SLC1A2: variants seen among roughly 807,000 people sequenced by gnomAD.
The protein encoded by SLC1A2 is solute carrier family 1 member 2.
Under a neutral mutation model 48.8 loss-of-function variants are expected in SLC1A2, and 15 were observed. The observed-to-expected ratio is 0.31, with a 90% CI of 0.21 to 0.47. The LOEUF is 0.47. Among genes scored for constraint, SLC1A2 ranks in the 20% least tolerant of loss-of-function variants. The probability of loss-of-function intolerance (pLI) is 0.99; values close to 1 mark genes in which losing one functional copy is unlikely to be tolerated. For missense variants in SLC1A2, 502 were observed against 730.5 expected (o/e 0.69, Z 3.61); for synonymous variants, 279 against 272.6 (o/e 1.02, Z -0.23).
At chr11:35,384,718 A>G (rs1590256318) in intron 1 of SLC1A2, among the ~76,000 whole-genome samples, 2 of 152,244 alleles carry the variant, frequency 1.3e-5, no homozygotes, top group Admixed American at 6.5e-5. Flanking sequence ...AAGGAGTATC[A>G]TCACAGAAGT....
chr11:35,341,834 A>G lies in SLC1A2; in HGVS notation c.18-24318T>C, dbSNP rs139944287. ...GTCGATTCTTTGCAGAATTGTTTAT[A>G]AAAGTAAAAAACTGAGTAATAACCT... On this transcript the variant is annotated intron_variant, in intron 1 of 10. Transcript: ENST00000278379. Among the ~76,000 whole-genome samples, 1,043 of 152,336 alleles carry G rather than the reference A, an allele frequency of 6.8e-3. 16 individuals carry two copies. The highest frequency in any genetic ancestry group is 0.024 in the African/African-American group (977 of 41,558).
intron 6 of SLC1A2, among the ~76,000 whole-genome samples, 182 bp from the exon 7 acceptor site, chr11:35,292,702 G>A (rs1346741911): frequency 6.6e-6 from 1 of 152,186 alleles, no homozygotes; most frequent in African/African-American, 2.4e-5. Flanking sequence ...AATCTGTTTT[G>A]TGGATCTGGT....
intron 7 of SLC1A2, among the ~76,000 whole-genome samples, chr11:35,291,185 C>G (rs1390707474): frequency 6.6e-6 from 1 of 152,064 alleles, no homozygotes; most frequent in East Asian, 1.9e-4. Context: ...GACATATGTG[C>G]AGAAATAAAA....
chr11:35,391,195 C>T (rs998955895), intron 1 of SLC1A2: 5 of 152,228 alleles, frequency 3.3e-5, no homozygotes, highest in African/African-American at 9.6e-5. Flanking sequence ...ACATACTGTC[C>T]GTGGCTGCTT....
chr11:35,401,970 A>G (rs1855153022), intron 1 of SLC1A2, among the ~76,000 whole-genome samples: 1 of 152,028 alleles, frequency 6.6e-6, no homozygotes, highest in African/African-American at 2.4e-5. Flanking sequence ...CCCCCACCCA[A>G]CATCACCTGA....
In SLC1A2 at chr11:35,306,145, G is replaced by T; in HGVS notation, c.659C>A (p.Thr220Asn). 2 of 1,614,068 alleles carry T rather than the reference G, an allele frequency of 1.2e-6. No homozygotes were observed. Among genetic ancestry groups the T allele is most frequent in the African/African-American group, 2.7e-5 (2 of 75,026 alleles). The change falls in exon 5 of 11, where the codon ACT (threonine) becomes AAT (asparagine). Residue 220 changes from threonine to asparagine, a missense_variant. Coordinates refer to ENST00000278379, the MANE Select transcript of SLC1A2 (RefSeq NM_004171.4). ...AVVSLLNETV[T>N]EVPEETKMVI... is the part of the protein sequence containing the mutation. Reference sequence around the variant, plus strand: ...CATCTTAGTCTCCTCCGGCACCTCAGTCACAGTCTCGTTCAACAGAGAGAC... The same window carrying T: ...CATCTTAGTCTCCTCCGGCACCTCATTCACAGTCTCGTTCAACAGAGAGAC...
intron 1 of SLC1A2, among the ~76,000 whole-genome samples, chr11:35,413,060 C>A (rs1345763591): frequency 6.6e-6 from 1 of 152,118 alleles, no homozygotes; most frequent in African/African-American, 2.4e-5. Flanking sequence ...AATCCAAAAC[C>A]ACTAGGCAAT....
chr11:35,326,726 T>A (rs1013208206), intron 1 of SLC1A2, among the ~76,000 whole-genome samples: 2 of 152,198 alleles, frequency 1.3e-5, no homozygotes, highest in Non-Finnish European at 2.9e-5. Context: ...CACAATTCTT[T>A]TGTGAGATGA....
rs771780308 is a variant in SLC1A2, at chr11:35,343,350, C to T, written c.18-25834G>A. On this transcript the variant is annotated intron_variant, in intron 1 of 10. Transcript: ENST00000278379. ...ATACCAAATCACACACCCACCAGCACCATGACAGTTCCGAAACAACCATAT... is the reference window on the plus strand; with the variant it reads ...ATACCAAATCACACACCCACCAGCATCATGACAGTTCCGAAACAACCATAT... Among the ~76,000 whole-genome samples, 101 of 152,206 alleles carry T rather than the reference C, an allele frequency of 6.6e-4. 1 individual carries two copies. Among genetic ancestry groups the T allele is most frequent in the Admixed American group, 2.5e-3 (38 of 15,290 alleles).
At chr11:35,357,837 T>C (rs1437525002) in intron 1 of SLC1A2, among the ~76,000 whole-genome samples, 1 of 152,154 alleles carries the variant, frequency 6.6e-6, no homozygotes. Context: ...ATGGTTTAAG[T>C]TCTTTTTCTT....
At chr11:35,356,547 C>CAA (rs1853473874) in intron 1 of SLC1A2, among the ~76,000 whole-genome samples, 1 of 152,222 alleles carries the variant, frequency 6.6e-6, no homozygotes, top group Admixed American at 6.5e-5. Flanking sequence ...TTCCAAGACA[C>CAA]CTACTTTTGA....
At position 35,318,457 on chromosome 11, in the gene SLC1A2, C is replaced by T. The variant is rs146877956; in HGVS notation, c.18-941G>A. On this transcript the variant is annotated intron_variant, in intron 1 of 10. Transcript: ENST00000278379. ...ATTTGATAAAAGAAAAAAAATAAGCCTTTCACACCTAGAAAGAGAGGTGTC... is the reference window on the plus strand; with the variant it reads ...ATTTGATAAAAGAAAAAAAATAAGCTTTTCACACCTAGAAAGAGAGGTGTC... Among the ~76,000 whole-genome samples, 165 of 152,300 alleles carry T rather than the reference C, an allele frequency of 1.1e-3. 4 individuals are homozygous for T. The East Asian group carries it at 0.027, about 25-fold the overall frequency.
intron 1 of SLC1A2, among the ~76,000 whole-genome samples, chr11:35,359,197 T>C (rs184462577): frequency 8.4e-4 from 128 of 152,304 alleles, no homozygotes; most frequent in African/African-American, 2.9e-3. Context: ...ATTCATGAAT[T>C]TTCATTTGTG....
intron 1 of SLC1A2, among the ~76,000 whole-genome samples, chr11:35,329,537 A>G (rs1320598503): frequency 1.3e-5 from 2 of 152,256 alleles, no homozygotes; most frequent in Non-Finnish European, 2.9e-5. Flanking sequence ...TTTAAAAAAC[A>G]GCATATTAAA....
At chr11:35,312,060 A>G in intron 4 of SLC1A2, 138 bp downstream of exon 4, 1 of 874,378 alleles carries the variant, frequency 1.1e-6, no homozygotes, top group Non-Finnish European at 1.8e-6. Flanking sequence ...ACCACCTCAT[A>G]GAATCCCTGG....
chr11:35,393,576 T>C (rs996101741), intron 1 of SLC1A2, among the ~76,000 whole-genome samples: 1 of 152,162 alleles, frequency 6.6e-6, no homozygotes, highest in Non-Finnish European at 1.5e-5. Context: ...TGAGCAGAGA[T>C]GGCAAAACAA....
intron 1 of SLC1A2, among the ~76,000 whole-genome samples, chr11:35,406,036 A>G (rs1855282395): frequency 6.6e-6 from 1 of 152,230 alleles, no homozygotes; most frequent in Non-Finnish European, 1.5e-5. Flanking sequence ...AAAGAAATTA[A>G]TGTAACCCTG....
At chr11:35,308,730 G>C (rs549789537) in intron 4 of SLC1A2, among the ~76,000 whole-genome samples, 1 of 152,274 alleles carries the variant, frequency 6.6e-6, no homozygotes, top group African/African-American at 2.4e-5. Context: ...CTAAATTTCA[G>C]CATGAATTTT....
intron 1 of SLC1A2, among the ~76,000 whole-genome samples, chr11:35,398,153 C>T (rs867377308): frequency 7.2e-5 from 11 of 152,148 alleles, no homozygotes; most frequent in South Asian, 6.2e-4. Flanking sequence ...TTGTGCCTCA[C>T]GAGACATGTA....
Sources: gnomAD v4.1 joint callset for allele counts (sites outside exome capture counted in the v4.1 genomes callset) on GRCh38, gnomAD v4.1.1 for gene constraint, MANE v1.5 for transcripts, NCBI Gene and HGNC (gene_info 2026-07-23, HGNC 2026-07-21) for gene names.